Variants in ASCC3 observed in about 807,000 individuals in gnomAD.
ASCC3 encodes the protein ASC-1 complex subunit P200.
Under a neutral mutation model 256.3 loss-of-function variants are expected in ASCC3, and 158 were observed. The observed-to-expected ratio is 0.62, with a 90% CI of 0.54 to 0.70. The LOEUF (loss-of-function observed/expected upper bound fraction) is 0.70, where lower values mean the gene tolerates loss of function less well. ASCC3 is among the 30% of genes least tolerant of loss of function. The pLI is 0.00. For missense variants in ASCC3, 2,259 were observed against 2,626.0 expected, an observed-to-expected ratio of 0.86 and a Z score of 3.05; for synonymous variants, 948 against 883.4, an observed-to-expected ratio of 1.07 and a Z score of -1.30.
intron 13 of ASCC3, among the ~76,000 whole-genome samples, chr6:100,692,897 T>TTTTA (rs1562230567): frequency 6.6e-6 from 1 of 152,092 alleles, no homozygotes; most frequent in African/African-American, 2.4e-5. Context: ...AATACCATCT[T>TTTTA]TGAAATACTT....
chr6:100,625,945 A>G (rs894929773), intron 29 of ASCC3, among the ~76,000 whole-genome samples: 2 of 152,048 alleles, frequency 1.3e-5, no homozygotes, highest in African/African-American at 4.8e-5. Context: ...AGACAAGATA[A>G]CGTAGAAGAG....
intron 15 of ASCC3, 77 bp downstream of exon 15, chr6:100,662,268 T>C: frequency 7.0e-7 from 1 of 1,435,934 alleles, no homozygotes; most frequent in South Asian, 1.3e-5. Context: ...ATCACAATAT[T>C]TTTCTATGTA....
chr6:100,582,754 A>G (rs1421384540), intron 36 of ASCC3, among the ~76,000 whole-genome samples: 3 of 152,070 alleles, frequency 2.0e-5, no homozygotes, highest in African/African-American at 4.8e-5. Context: ...ATTTTGAGAT[A>G]TGCCCCATCA....
intron 4 of ASCC3, among the ~76,000 whole-genome samples, chr6:100,812,496 A>T (rs537375882): frequency 2.0e-5 from 3 of 147,840 alleles, no homozygotes; most frequent in African/African-American, 7.4e-5. Flanking sequence ...ATAGCACTTT[A>T]AAAAAAAAAA....
At chr6:100,513,721 C>G (rs1013994914) in intron 39 of ASCC3, among the ~76,000 whole-genome samples, 7 of 152,040 alleles carry the variant, frequency 4.6e-5, no homozygotes, top group Non-Finnish European at 8.8e-5. Context: ...TATACTTGCT[C>G]TTGAAGTGGA....
intron 14 of ASCC3, among the ~76,000 whole-genome samples, chr6:100,673,420 T>C (rs1248682050): frequency 6.6e-6 from 1 of 152,100 alleles, no homozygotes; most frequent in African/African-American, 2.4e-5. Context: ...AAAAACAACA[T>C]TCTAATTAAC....
chr6:100,617,109 A>C (rs1488420054), intron 30 of ASCC3, among the ~76,000 whole-genome samples: 1 of 152,142 alleles, frequency 6.6e-6, no homozygotes, highest in Non-Finnish European at 1.5e-5. Flanking sequence ...GGTTCAAACA[A>C]TTATCATGCC....
intron 5 of ASCC3, 83 bp from the exon 6 acceptor site, chr6:100,800,587 CCCACAACATATAATGCT>C: frequency 9.6e-7 from 1 of 1,040,592 alleles, no homozygotes; most frequent in Non-Finnish European, 1.4e-6. Flanking sequence ...TTTCCTCCAC[CCCACAACATATAATGCT>C]CTTACAATTC....
At chr6:100,571,284 TA>T (rs1770579634) in intron 36 of ASCC3, among the ~76,000 whole-genome samples, 1 of 152,244 alleles carries the variant, frequency 6.6e-6, no homozygotes, top group Non-Finnish European at 1.5e-5. Context: ...TCCTGCATAT[TA>T]TTTAGTTCTT....
rs34408420 is a variant in ASCC3 at position 100,822,536 on chromosome 6, CAAA to C, written c.802-16659_802-16657del. On this transcript the variant is annotated intron_variant, in intron 4 of 41. Coordinates refer to ENST00000369162, the MANE Select transcript of ASCC3 (RefSeq NM_006828.4). ...TGGGCGACGAGCAAGACTCCGTCTC[CAAA>C]AAAAAAAAAAAAAAAGATTAAATAT... Among the ~76,000 whole-genome samples, 386 of 113,060 alleles carry C rather than the reference CAAA, an allele frequency of 3.4e-3. 2 individuals are homozygous for C. The highest frequency in any genetic ancestry group is 7.1e-3 in the African/African-American group (212 of 29,970). The allele number at this position is 113,060 out of a possible 152,430, so 74.2% of individuals were successfully genotyped here.
chr6:100,590,668 T>C (rs1771959708), intron 34 of ASCC3, among the ~76,000 whole-genome samples: 1 of 152,076 alleles, frequency 6.6e-6, no homozygotes, highest in Non-Finnish European at 1.5e-5. Context: ...TAAGACCCCA[T>C]CATGATGGTT....
chr6:100,725,635 GGAAAGA>G lies in ASCC3; in HGVS notation c.1800_1805del (p.Leu601_Ser602del), dbSNP rs779111782. On this transcript the variant is annotated inframe_deletion, in exon 11 of 42. Coordinates refer to ENST00000369162, the MANE Select transcript of ASCC3 (RefSeq NM_006828.4). ...CAAGAATAAGGAGCCTTACAATCTG[GGAAAGA>G]GCTACATCCCCAACACTCTTTCTTG... 2 of 1,612,580 alleles carry G rather than the reference GGAAAGA, an allele frequency of 1.2e-6. No homozygotes were observed. The highest frequency in any genetic ancestry group is 1.7e-6 in the Non-Finnish European group (2 of 1,179,112).
chr6:100,580,989 C>T (rs979042761), intron 36 of ASCC3, among the ~76,000 whole-genome samples: 2 of 152,046 alleles, frequency 1.3e-5, no homozygotes, highest in African/African-American at 4.8e-5. Context: ...CATTGTTGGA[C>T]ATTTGGCTTG....
rs17061158 is a variant in ASCC3 at position 100,831,390 on chromosome 6, C to T, written c.801+16758G>A. On this transcript the variant is annotated intron_variant, in intron 4 of 41. Coordinates refer to ENST00000369162, the MANE Select transcript of ASCC3 (RefSeq NM_006828.4). Reference sequence around the variant, plus strand: ...GAACTTAAAAATAAGACTAATATCTCCCTCAACCAGAAATTCAACAAAATA... The same window carrying T: ...GAACTTAAAAATAAGACTAATATCTTCCTCAACCAGAAATTCAACAAAATA... Among the ~76,000 whole-genome samples the T allele has an allele frequency of 0.013, 1,920 of 151,862 alleles. 95 individuals are homozygous for T. The East Asian group carries it at 0.14, about 11-fold the overall frequency.
intron 37 of ASCC3, among the ~76,000 whole-genome samples, chr6:100,518,463 C>G (rs1196182753): frequency 6.6e-6 from 1 of 152,066 alleles, no homozygotes; most frequent in Non-Finnish European, 1.5e-5. Flanking sequence ...AGAGCAAATA[C>G]TCATATAATT....
At chr6:100,873,866 C>T (rs1773864759) in intron 1 of ASCC3, among the ~76,000 whole-genome samples, 1 of 152,108 alleles carries the variant, frequency 6.6e-6, no homozygotes, top group African/African-American at 2.4e-5. Flanking sequence ...ACAAAAACTG[C>T]TAAAAAGAGC....
chr6:100,737,759 T>G (rs918823501), intron 10 of ASCC3, among the ~76,000 whole-genome samples: 1 of 152,224 alleles, frequency 6.6e-6, no homozygotes, highest in African/African-American at 2.4e-5. Flanking sequence ...ATGGGATTGC[T>G]GGCTCAAATG....
At chr6:100,536,022 CAG>C (rs1304976951) in intron 37 of ASCC3, among the ~76,000 whole-genome samples, 2 of 151,932 alleles carry the variant, frequency 1.3e-5, no homozygotes, top group Non-Finnish European at 2.9e-5. Flanking sequence ...TATAAAATAA[CAG>C]AAGATATTTC....
chr6:100,526,742 C>G (rs1348297523), intron 37 of ASCC3, among the ~76,000 whole-genome samples: 1 of 152,150 alleles, frequency 6.6e-6, no homozygotes, highest in Non-Finnish European at 1.5e-5. Flanking sequence ...GAAGAATAAT[C>G]ACTCAGGATT....
Sources: gnomAD v4.1 joint callset for allele counts (sites outside exome capture counted in the v4.1 genomes callset) on GRCh38, gnomAD v4.1.1 for gene constraint, MANE v1.5 for transcripts, NCBI Gene and HGNC (gene_info 2026-07-23, HGNC 2026-07-21) for gene names.